NKAIN3: variants seen among roughly 807,000 people sequenced by gnomAD.
NKAIN3 encodes sodium/potassium transporting ATPase interacting 3, also known as sodium/potassium-transporting ATPase subunit beta-1-interacting protein 3.
A neutral mutation model predicts 30.2 loss-of-function variants in NKAIN3; 25 were observed. The ratio of observed to expected loss-of-function variants is 0.83; its 90% CI spans 0.60 to 1.16. The LOEUF is 1.16. Ranked by LOEUF, NKAIN3 falls within the 50% of genes most tolerant of loss-of-function variation. The pLI is 0.00. For missense variants in NKAIN3, 225 were observed against 254.1 expected (o/e 0.89, Z 0.78); for synonymous variants, 91 against 89.6 (o/e 1.02, Z -0.09).
intron 1 of NKAIN3, among the ~76,000 whole-genome samples, chr8:62,259,769 T>A (rs1202815295): frequency 2.0e-5 from 3 of 152,164 alleles, no homozygotes; most frequent in Non-Finnish European, 4.4e-5. Context: ...AGTTGGAGAA[T>A]GTGAAACACT....
intron 1 of NKAIN3, among the ~76,000 whole-genome samples, chr8:62,381,952 C>A (rs1817293200): frequency 6.6e-6 from 1 of 152,132 alleles, no homozygotes; most frequent in South Asian, 2.1e-4. Flanking sequence ...CCTCCTTGCT[C>A]CTTCTACTAA....
At chr8:62,589,687 C>G in intron 2 of NKAIN3, 27 bp from the exon 3 acceptor site, 1 of 1,148,102 alleles carries the variant, frequency 8.7e-7, no homozygotes, top group Non-Finnish European at 1.3e-6. Flanking sequence ...TTTTTCTTCT[C>G]TTTCTCCCTC....
chr8:62,653,606 G>A (rs1001950760), intron 3 of NKAIN3, among the ~76,000 whole-genome samples: 1 of 152,100 alleles, frequency 6.6e-6, no homozygotes, highest in Non-Finnish European at 1.5e-5. Context: ...CAAAAATAAA[G>A]GAATATACAA....
chr8:62,339,731 C>T (rs894831831), intron 1 of NKAIN3, among the ~76,000 whole-genome samples: 2 of 151,950 alleles, frequency 1.3e-5, no homozygotes, highest in African/African-American at 2.4e-5. Flanking sequence ...CGTCAGAAAT[C>T]ACCATGTGTT....
At chr8:62,403,711 G>T (rs1310509847) in intron 1 of NKAIN3, among the ~76,000 whole-genome samples, 1 of 152,210 alleles carries the variant, frequency 6.6e-6, no homozygotes, top group Non-Finnish European at 1.5e-5. Flanking sequence ...TCTGCTGCAG[G>T]GGTGAAGCCC....
At chr8:62,469,894 T>C (rs1300604728) in intron 1 of NKAIN3, among the ~76,000 whole-genome samples, 1 of 152,214 alleles carries the variant, frequency 6.6e-6, no homozygotes, top group East Asian at 1.9e-4. Context: ...ACTTACTGTG[T>C]GGTTCACACA....
intron 1 of NKAIN3, among the ~76,000 whole-genome samples, chr8:62,290,600 A>G (rs2129400629): frequency 6.6e-6 from 1 of 152,306 alleles, no homozygotes; most frequent in Admixed American, 6.5e-5. Flanking sequence ...CAACTTGCTC[A>G]TGGTGGATAA....
At chr8:62,469,738 A>G (rs566196837) in intron 1 of NKAIN3, among the ~76,000 whole-genome samples, 2 of 152,292 alleles carry the variant, frequency 1.3e-5, no homozygotes, top group Admixed American at 1.3e-4. Flanking sequence ...ACCTAATTTT[A>G]CAAAGAATTG....
At chr8:62,603,210 A>G (rs990920423) in intron 3 of NKAIN3, among the ~76,000 whole-genome samples, 1 of 152,142 alleles carries the variant, frequency 6.6e-6, no homozygotes. Context: ...GTGACATGTC[A>G]ATTAAGAGTA....
chr8:62,765,669 T>A (rs368652231), intron 4 of NKAIN3, among the ~76,000 whole-genome samples: 3 of 152,328 alleles, frequency 2.0e-5, no homozygotes, highest in African/African-American at 7.2e-5. Flanking sequence ...TGTCTTGATG[T>A]TGCAGATGAT....
intron 5 of NKAIN3, among the ~76,000 whole-genome samples, chr8:62,930,204 A>G (rs915980564): frequency 6.6e-6 from 1 of 151,652 alleles, no homozygotes; most frequent in Non-Finnish European, 1.5e-5. Flanking sequence ...TTCAACAACA[A>G]CTTTTCAACT....
At chr8:62,990,327 C>T (rs17193714) in intron 5 of NKAIN3, 136,337 of 1,355,606 alleles carry the variant, frequency 0.1, 7,334 homozygotes, top group South Asian at 0.17. Flanking sequence ...GAGTGTCATT[C>T]TAAACCCCAG....
At chr8:62,864,083 C>T (rs1820343486) in intron 4 of NKAIN3, 1 of 654,846 alleles carries the variant, frequency 1.5e-6, no homozygotes, top group East Asian at 2.7e-5. Flanking sequence ...GAGCTCATTC[C>T]GACGCGGCGC....
rs145216401 is a variant in NKAIN3 at position 62,687,484 on chromosome 8, C to T, written c.274-59448C>T. Among the ~76,000 whole-genome samples, 19 of 152,242 alleles carry T rather than the reference C, an allele frequency of 1.2e-4. No individual in the cohort carries two copies. The East Asian group carries it at 3.7e-3, about 29-fold the overall frequency. On this transcript the variant is annotated intron_variant, in intron 3 of 6. Coordinates refer to ENST00000623646, the MANE Select transcript of NKAIN3 (RefSeq NM_001304533.3). The stretch of plus-strand genomic sequence containing the variant: ...TGATGCTATCTTTGACTGTGTCTGC[C>T]TAGATAATCCTTCCAGACAATGTTT...
chr8:62,616,317 A>C (rs1384164783), intron 3 of NKAIN3, among the ~76,000 whole-genome samples: 1 of 152,012 alleles, frequency 6.6e-6, no homozygotes, highest in Non-Finnish European at 1.5e-5. Flanking sequence ...GACTACTCAC[A>C]CTTCTGTCCA....
chr8:62,665,395 G>A (rs1813067781), intron 3 of NKAIN3, among the ~76,000 whole-genome samples: 2 of 152,002 alleles, frequency 1.3e-5, no homozygotes, highest in South Asian at 2.1e-4. Flanking sequence ...ACATTTCAGA[G>A]CCCCTTACTG....
chr8:62,275,444 T>C lies in NKAIN3; in HGVS notation c.54+26317T>C, dbSNP rs1812916707. ...ATTAGAAAAAGTGGAGAAAGAAATT[T>C]TGTAATTCTGAATTTTCTCTGTTAT... On this transcript the variant is annotated intron_variant, in intron 1 of 6. Coordinates refer to ENST00000623646, the MANE Select transcript of NKAIN3 (RefSeq NM_001304533.3). Among the ~76,000 whole-genome samples, 4 of 152,308 alleles carry C rather than the reference T, an allele frequency of 2.6e-5. No individual in the cohort carries two copies. The South Asian group carries it at 8.3e-4, about 32-fold the overall frequency.
At chr8:62,822,849 C>T (rs1170463372) in intron 4 of NKAIN3, among the ~76,000 whole-genome samples, 1 of 152,164 alleles carries the variant, frequency 6.6e-6, no homozygotes, top group Non-Finnish European at 1.5e-5. Flanking sequence ...TACCTCCACA[C>T]ATCTAGATGG....
At chr8:62,571,139 A>T (rs989228924) in intron 1 of NKAIN3, among the ~76,000 whole-genome samples, 4 of 142,372 alleles carry the variant, frequency 2.8e-5, no homozygotes, top group African/African-American at 5.3e-5. Context: ...AAATAGGCTT[A>T]TTTTTTTTTT....
Sources: gnomAD v4.1 joint callset for allele counts (sites outside exome capture counted in the v4.1 genomes callset) on GRCh38, gnomAD v4.1.1 for gene constraint, MANE v1.5 for transcripts, NCBI Gene and HGNC (gene_info 2026-07-23, HGNC 2026-07-21) for gene names.